ROS1: variants seen among roughly 807,000 people sequenced by gnomAD.
ROS1 encodes the protein ROS proto-oncogene 1, receptor tyrosine kinase, also known as proto-oncogene tyrosine-protein kinase ROS.
ROS1 carries 263 observed loss-of-function variants against 273.5 expected under a neutral mutation model. The ratio of observed to expected loss-of-function variants is 0.96; its 90% CI spans 0.87 to 1.06. The LOEUF is 1.06. ROS1 is among the 50% of genes least tolerant of loss of function. The pLI is 0.00. For synonymous variants in ROS1, 1,008 were observed against 954.1 expected (o/e 1.06, Z -1.04); for missense variants, 2,833 against 2,751.1 (o/e 1.03, Z -0.67).
chr6:117,402,396 G>C (rs1353466500), intron 7 of ROS1, among the ~76,000 whole-genome samples: 1 of 152,020 alleles, frequency 6.6e-6, no homozygotes, highest in Non-Finnish European at 1.5e-5. Context: ...TACCCCACCA[G>C]CTCACCAAGG....
In ROS1 at chr6:117,414,553, GA is replaced by G. The variant is rs3836983; in HGVS notation, c.229-9del. ...GGTGGCATAAGTATCATTCTGCATA[GA>G]AAAAAAAAAAGACTACTTAAAATCT... is the stretch of plus-strand genomic sequence containing the variant. On this transcript the variant is annotated splice_polypyrimidine_tract_variant and intron_variant, in intron 3 of 43. Transcript: ENST00000368507. 0.25 allele frequency: 133,648 copies of G among 526,464 alleles called. 9,225 individuals carry two copies. Among genetic ancestry groups the G allele is most frequent in the Non-Finnish European group, 0.29 (84,260 of 294,230 alleles). 32.6% of individuals were successfully genotyped at this position (526,464 alleles called of 1,614,324 possible).
intron 32 of ROS1, among the ~76,000 whole-genome samples, chr6:117,333,736 A>C (rs1165675319): frequency 6.6e-6 from 1 of 152,224 alleles, no homozygotes; most frequent in African/African-American, 2.4e-5. Context: ...AAAGACAAAA[A>C]TCACACGATT....
At chr6:117,293,616 T>C (rs1773995582) in intron 43 of ROS1, among the ~76,000 whole-genome samples, 1 of 152,104 alleles carries the variant, frequency 6.6e-6, no homozygotes, top group Non-Finnish European at 1.5e-5. Context: ...ATCTTTAAAA[T>C]GTAGATACAA....
chr6:117,418,184 A>G (rs1029435948), intron 2 of ROS1, among the ~76,000 whole-genome samples: 2 of 152,186 alleles, frequency 1.3e-5, no homozygotes, highest in African/African-American at 4.8e-5. Context: ...AATAACACAT[A>G]ATAAAACTAA....
chr6:117,359,378 G>T (rs1779596290), intron 24 of ROS1, among the ~76,000 whole-genome samples: 1 of 152,154 alleles, frequency 6.6e-6, no homozygotes, highest in Admixed American at 6.5e-5. Flanking sequence ...CTATGATGAG[G>T]TATTACTTAA....
Position 117,360,265 on chromosome 6 carries a change from AC to A in ROS1, c.3430+76del. The A allele has an allele frequency of 4.4e-6, 3 of 683,152 alleles. No homozygotes were observed. The South Asian group carries it at 6.0e-5, about 14-fold the overall frequency. 42.3% of individuals were successfully genotyped at this position (683,152 alleles called of 1,614,324 possible). A position where few individuals can be genotyped will look rare whatever the true frequency, so the allele number is the denominator to read the frequency against. On this transcript the variant is annotated intron_variant, in intron 23 of 43. Coordinates refer to ENST00000368507, the MANE Select transcript of ROS1 (RefSeq NM_001378902.1). ...AGACAGTGTTCATATCCCTAAAGAC[AC>A]CAATGGGACACACACACACACACAC...
Position 117,326,270 on chromosome 6 carries a change from C to A in ROS1, c.5493G>T (p.Gly1831=), listed in dbSNP as rs756425235. 6.2e-7 allele frequency: 1 copy of A among 1,601,138 alleles called. No individual in the cohort carries two copies. Among genetic ancestry groups the A allele is most frequent in the Admixed American group, 1.8e-5 (1 of 56,532 alleles). Residue 1831 remains glycine (G), a synonymous_variant, in exon 34 of 44, where the codon GGG becomes GGT. Transcript: ENST00000368507. ...CACTGATTCCACTATATTCACCAAA[C>A]CCTAGATTATTTGCAGCTACTACTC... ...QFRVVAANNL[G]FGEYSGISEN... is the part of the protein sequence containing the mutation.
chr6:117,291,935 C>G (rs573876328), intron 43 of ROS1, among the ~76,000 whole-genome samples: 4 of 151,958 alleles, frequency 2.6e-5, no homozygotes, highest in Admixed American at 1.3e-4. Context: ...TGCTAACACC[C>G]ATTATGGCAA....
At chr6:117,313,432 G>A (rs1204717606) in intron 39 of ROS1, among the ~76,000 whole-genome samples, 1 of 151,896 alleles carries the variant, frequency 6.6e-6, no homozygotes, top group African/African-American at 2.4e-5. Flanking sequence ...AATTAGCTGG[G>A]TATGGTGGCA....
chr6:117,317,778 T>C (rs1776020233), intron 38 of ROS1, among the ~76,000 whole-genome samples: 2 of 152,128 alleles, frequency 1.3e-5, no homozygotes, highest in East Asian at 1.9e-4. Flanking sequence ...GAGCAGTTTT[T>C]ATGACCACAA....
intron 13 of ROS1, 23 bp downstream of exon 13, chr6:117,389,327 C>G: frequency 6.3e-7 from 1 of 1,582,896 alleles, no homozygotes; most frequent in Non-Finnish European, 8.6e-7. Flanking sequence ...GGCCAGTAAC[C>G]ACACTGGGGA....
intron 9 of ROS1, among the ~76,000 whole-genome samples, chr6:117,395,764 G>A (rs1216343968): frequency 6.6e-6 from 1 of 152,004 alleles, no homozygotes; most frequent in African/African-American, 2.4e-5. Flanking sequence ...AATTATTAAA[G>A]TCCAGATATA....
Position 117,425,834 on chromosome 6 carries a change from C to G in ROS1, c.-178G>C. ...TAATACTTAGCCTTTTTCATTTAGA[C>G]CTTTGAATGCTTGAAAGCTTGTAAC... On this transcript the variant is annotated 5_prime_UTR_variant, in exon 1 of 44. Coordinates refer to ENST00000368507, the MANE Select transcript of ROS1 (RefSeq NM_001378902.1). 1.7e-6 allele frequency: 1 copy of G among 582,436 alleles called. No homozygotes were observed. The highest frequency in any genetic ancestry group is 2.9e-6 in the Non-Finnish European group (1 of 342,672). The allele number at this position is 582,436 out of a possible 1,614,324, so 36.1% of individuals were successfully genotyped here. A position where few individuals can be genotyped will look rare whatever the true frequency, so the allele number is the denominator to read the frequency against.
At chr6:117,388,099 AT>A in intron 13 of ROS1, 107 bp from the exon 14 acceptor site, 1 of 1,537,680 alleles carries the variant, frequency 6.5e-7, no homozygotes, top group Non-Finnish European at 8.8e-7. Flanking sequence ...TGGGAGAGCA[AT>A]TGGGCAGTAA....
intron 22 of ROS1, among the ~76,000 whole-genome samples, chr6:117,362,321 C>CTT (rs71726655): frequency 2.0e-4 from 30 of 149,910 alleles, no homozygotes; most frequent in African/African-American, 6.6e-4. Flanking sequence ...TCTGTTTAAA[C>CTT]TTTTTTTTTT....
intron 18 of ROS1, 40 bp from the exon 19 acceptor site, chr6:117,366,330 T>C (rs1342231304): frequency 6.7e-7 from 1 of 1,485,302 alleles, no homozygotes; most frequent in Admixed American, 1.7e-5. Flanking sequence ...GTTTCTGGAG[T>C]GGTGGAAGGG....
intron 12 of ROS1, among the ~76,000 whole-genome samples, chr6:117,390,750 A>C (rs1052950250): frequency 1.3e-5 from 2 of 152,224 alleles, no homozygotes; most frequent in African/African-American, 4.8e-5. Flanking sequence ...CACATGACTG[A>C]AGCAGGAAAA....
chr6:117,405,920 A>G (rs1245581521), intron 5 of ROS1, among the ~76,000 whole-genome samples: 1 of 152,208 alleles, frequency 6.6e-6, no homozygotes, highest in Non-Finnish European at 1.5e-5. Context: ...AGTATGTATA[A>G]CTCTGAGGAC....
rs1202495747 is a variant in ROS1, at chr6:117,288,388, G to A, written c.*104C>T. On this transcript the variant is annotated 3_prime_UTR_variant, in exon 44 of 44. Coordinates refer to ENST00000368507, the MANE Select transcript of ROS1 (RefSeq NM_001378902.1). Reference sequence around the variant, plus strand: ...ATCAGGAACGTTGCATTGTTTATTTGGAGTTATAGACCACCATGACATTTA... The same window carrying A: ...ATCAGGAACGTTGCATTGTTTATTTAGAGTTATAGACCACCATGACATTTA... 1.9e-6 allele frequency: 2 copies of A among 1,047,272 alleles called. No homozygotes were observed. Among genetic ancestry groups the A allele is most frequent in the African/African-American group, 3.2e-5 (2 of 62,424 alleles). The allele number at this position is 1,047,272 out of a possible 1,614,324, so 64.9% of individuals were successfully genotyped here.
Sources: gnomAD v4.1 joint callset for allele counts (sites outside exome capture counted in the v4.1 genomes callset) on GRCh38, gnomAD v4.1.1 for gene constraint, MANE v1.5 for transcripts, NCBI Gene and HGNC (gene_info 2026-07-23, HGNC 2026-07-21) for gene names.